Variants in TNIP3 observed in about 807,000 individuals in gnomAD.
The protein encoded by TNIP3 is TNFAIP3 interacting protein 3.
A neutral mutation model predicts 54.1 loss-of-function variants in TNIP3; 34 were observed. The ratio of observed to expected loss-of-function variants is 0.63; its 90% confidence interval spans 0.48 to 0.84. The LOEUF (loss-of-function observed/expected upper bound fraction) is 0.84, where lower values mean the gene tolerates loss of function less well. TNIP3 is among the 40% of genes least tolerant of loss of function. The pLI, the probability that TNIP3 is intolerant of heterozygous loss-of-function variation, is 0.00. For synonymous variants in TNIP3, 134 were observed against 136.8 expected, an observed-to-expected ratio of 0.98 and a Z score of 0.14; for missense variants, 366 against 387.6, an observed-to-expected ratio of 0.94 and a Z score of 0.47.
chr4:121,132,256 G>T lies in TNIP3; in HGVS notation c.*375C>A. The T allele has an allele frequency of 1.1e-5, 2 of 189,660 alleles. No homozygotes were observed. The highest frequency in any genetic ancestry group is 1.2e-4 in the Admixed American group (2 of 16,944). 11.7% of individuals were successfully genotyped at this position (189,660 alleles called of 1,614,324 possible). On this transcript the variant is annotated 3_prime_UTR_variant, in exon 11 of 11. Coordinates refer to ENST00000057513, the MANE Select transcript of TNIP3 (RefSeq NM_024873.6). ...CACACACACACACACACACACATATGCACTTTAAATCAACATACAATATCC... is the reference window on the plus strand; with the variant it reads ...CACACACACACACACACACACATATTCACTTTAAATCAACATACAATATCC...
chr4:121,218,909 C>G (rs1726918173), upstream of TNIP3, among the ~76,000 whole-genome samples: 1 of 152,016 alleles, frequency 6.6e-6, no homozygotes, highest in Non-Finnish European at 1.5e-5. Flanking sequence ...AATTAAAAAC[C>G]ACAGAAGTGG....
chr4:121,196,037 C>T (rs1725561557), intron 2 of TNIP3, among the ~76,000 whole-genome samples: 1 of 152,160 alleles, frequency 6.6e-6, no homozygotes, highest in Non-Finnish European at 1.5e-5. Context: ...CATTAAACAC[C>T]ACACGCTTGA....
chr4:121,142,681 C>A lies in TNIP3; in HGVS notation c.786+45G>T, dbSNP rs1187482235. 4.6e-6 allele frequency: 7 copies of A among 1,524,996 alleles called. No homozygotes were observed. The Admixed American group carries it at 1.2e-4, about 26-fold the overall frequency. 94.5% of individuals were successfully genotyped at this position (1,524,996 alleles called of 1,614,324 possible). A position where few individuals can be genotyped will look rare whatever the true frequency, so the allele number is the denominator to read the frequency against. ...TCTTTAATTGGGACAATGAGAAATG[C>A]TGTACATGGGAATAAATGTATGCGT... On this transcript the variant is annotated intron_variant, in intron 8 of 10. Coordinates refer to ENST00000057513, the MANE Select transcript of TNIP3 (RefSeq NM_024873.6).
intron 10 of TNIP3, among the ~76,000 whole-genome samples, chr4:121,134,917 G>A (rs1163105074): frequency 6.6e-6 from 1 of 152,224 alleles, no homozygotes; most frequent in Admixed American, 6.5e-5. Context: ...TTCTGGGCCT[G>A]CTTCCAAGAT....
Position 121,180,129 on chromosome 4 carries a change from G to A in TNIP3, c.189+2547C>T, listed in dbSNP as rs548250644. On this transcript the variant is annotated intron_variant, in intron 3 of 12. Coordinates refer to the TNIP3 transcript ENST00000507879. ...ATATTATAGATGTCGGGCTGGGCGC[G>A]GTGGCTCACGCCTGTAATCCCAACA... is the stretch of plus-strand genomic sequence containing the variant. Among the ~76,000 whole-genome samples the A allele has an allele frequency of 4.2e-4, 64 of 152,218 alleles. 1 individual carries two copies. Among genetic ancestry groups the A allele is most frequent in the African/African-American group, 1.4e-3 (58 of 41,546 alleles).
upstream of TNIP3, among the ~76,000 whole-genome samples, chr4:121,166,654 A>G (rs1730782915): frequency 6.6e-6 from 1 of 152,234 alleles, no homozygotes; most frequent in South Asian, 2.1e-4. Context: ...CTGGTCTATA[A>G]CCATCATTCT....
chr4:121,184,337 C>A (rs563106900), intron 2 of TNIP3, among the ~76,000 whole-genome samples: 1 of 152,282 alleles, frequency 6.6e-6, no homozygotes, highest in African/African-American at 2.4e-5. Flanking sequence ...AATCCACCAC[C>A]CTTGTTGAGA....
chr4:121,165,052 G>A (rs923408440), upstream of TNIP3, among the ~76,000 whole-genome samples: 2 of 151,732 alleles, frequency 1.3e-5, no homozygotes, highest in African/African-American at 4.8e-5. Context: ...TTTTGGACTT[G>A]GAACAAAAGG....
chr4:121,142,776 T>A lies in TNIP3; in HGVS notation c.736A>T (p.Ile246Leu). 1 of 1,611,816 alleles carries A rather than the reference T, an allele frequency of 6.2e-7. No homozygotes were observed. ...TCTTTCTCCATCTGACAAGCTTTTA[T>A]CTAAAGACAAAACAAAGGCATTTGT... ...QSQLNRLNSQ[I>L]KACQMEKEKL... The change falls in exon 8 of 11, where the codon ATA becomes TTA. Residue 246 changes from isoleucine to leucine, a missense_variant and splice_region_variant. Ile to Leu is a conservative substitution (Grantham distance 5). Coordinates refer to ENST00000057513, the MANE Select transcript of TNIP3 (RefSeq NM_024873.6).
At chr4:121,203,337 A>G (rs1726005579) in intron 2 of TNIP3, among the ~76,000 whole-genome samples, 1 of 152,218 alleles carries the variant, frequency 6.6e-6, no homozygotes, top group African/African-American at 2.4e-5. Flanking sequence ...ATAGAATTAG[A>G]GACCATTATT....
intron 2 of TNIP3, among the ~76,000 whole-genome samples, chr4:121,185,714 A>G (rs1001174709): frequency 1.3e-5 from 2 of 152,232 alleles, no homozygotes; most frequent in Admixed American, 6.5e-5. Context: ...GGACTGATAA[A>G]GTGGAAACAC....
At chr4:121,180,940 A>C (rs1475803099) in intron 3 of TNIP3, among the ~76,000 whole-genome samples, 1 of 152,184 alleles carries the variant, frequency 6.6e-6, no homozygotes, top group African/African-American at 2.4e-5. Flanking sequence ...ATACTTCACA[A>C]AGAAAATAGA....
intron 2 of TNIP3, among the ~76,000 whole-genome samples, chr4:121,210,836 T>C (rs986558764): frequency 2.0e-5 from 3 of 152,156 alleles, no homozygotes; most frequent in Admixed American, 6.5e-5. Flanking sequence ...TGCAGTCACA[T>C]TGGGGTTTAG....
At chr4:121,175,487 C>T (rs11938699) in intron 3 of TNIP3, among the ~76,000 whole-genome samples, 6,734 of 152,276 alleles carry the variant, frequency 0.044, 495 homozygotes, top group African/African-American at 0.15. Flanking sequence ...CCCTTGCCCA[C>T]CCCATTGACC....
intron 10 of TNIP3, among the ~76,000 whole-genome samples, chr4:121,136,138 T>A (rs975763512): frequency 6.6e-6 from 1 of 152,210 alleles, no homozygotes; most frequent in Admixed American, 6.5e-5. Context: ...CACAGGTTAG[T>A]TCATAACATA....
rs112783146 is a variant in TNIP3 at position 121,154,000 on chromosome 4, A to AAC, written c.492+549_492+550dup. Among the ~76,000 whole-genome samples, 1,152 of 149,266 alleles carry AAC rather than the reference A, an allele frequency of 7.7e-3. 12 individuals are homozygous for AAC. The highest frequency in any genetic ancestry group is 0.022 in the African/African-American group (889 of 40,844). ...ACATGAATGAACTAGTCCATAAAAC[A>AAC]ACACACACACACACACACACACCCC... On this transcript the variant is annotated intron_variant, in intron 5 of 10. Transcript: ENST00000057513.
intron 4 of TNIP3, among the ~76,000 whole-genome samples, chr4:121,156,803 A>G (rs1730116076): frequency 6.6e-6 from 1 of 152,204 alleles, no homozygotes; most frequent in African/African-American, 2.4e-5. Context: ...CTAGAGAGTT[A>G]GCAAATTTAT....
At chr4:121,200,212 C>T (rs1271154809) in intron 2 of TNIP3, among the ~76,000 whole-genome samples, 1 of 152,032 alleles carries the variant, frequency 6.6e-6, no homozygotes, top group Non-Finnish European at 1.5e-5. Context: ...GTAACACCAA[C>T]CACCCCTGAG....
intron 2 of TNIP3, among the ~76,000 whole-genome samples, chr4:121,212,725 G>A (rs1726542120): frequency 6.6e-6 from 1 of 152,130 alleles, no homozygotes; most frequent in African/African-American, 2.4e-5. Context: ...AGGGATGTCT[G>A]TCTTTATGAA....
Sources: gnomAD v4.1 joint callset for allele counts (sites outside exome capture counted in the v4.1 genomes callset) on GRCh38, gnomAD v4.1.1 for gene constraint, MANE v1.5 for transcripts, NCBI Gene and HGNC (gene_info 2026-07-23, HGNC 2026-07-21) for gene names.